The following SPTAN1 variants were observed in gnomAD, a reference collection of about 807,000 sequenced individuals.
The protein encoded by SPTAN1 is spectrin alpha, non-erythrocytic 1.
Under a neutral mutation model 331.3 loss-of-function variants are expected in SPTAN1, and 61 were observed. That is an observed-to-expected ratio of 0.18 (90% CI 0.15 to 0.23). The LOEUF (loss-of-function observed/expected upper bound fraction) is 0.23. SPTAN1 is among the 10% of genes least tolerant of loss of function. The pLI is 1.00. For missense variants in SPTAN1, 2,043 were observed against 3,147.9 expected, an observed-to-expected ratio of 0.65 and a Z score of 8.40; for synonymous variants, 1,153 against 1,173.9, an observed-to-expected ratio of 0.98 and a Z score of 0.36.
chr9:128,572,671 T>A (rs1850868953), intron 3 of SPTAN1, among the ~76,000 whole-genome samples: 1 of 152,198 alleles, frequency 6.6e-6, no homozygotes, highest in South Asian at 2.1e-4. Flanking sequence ...AGTACCTTAG[T>A]TTGGCAGAAA....
chr9:128,555,322 A>G (rs1242901039), intron 1 of SPTAN1: 15 of 1,284,212 alleles, frequency 1.2e-5, no homozygotes, highest in Admixed American at 4.6e-5. Context: ...GAAGCTTGTT[A>G]TCTTGCTCTT....
rs528275412 is a variant in SPTAN1, at chr9:128,603,543, T to C, written c.3580T>C (p.Ser1194Pro). ...GCCTTCTGCTTTCCTCCCTACCTAG[T>C]CTGCTCGTCTGATGGTTCACACCGT... ...TDSKTASPWK[S>P]ARLMVHTVAT... Residue 1194 changes from serine to proline, a missense_variant and splice_region_variant, in exon 28 of 57, where the codon TCT becomes CCT. Coordinates refer to ENST00000372739, the MANE Select transcript of SPTAN1 (RefSeq NM_001130438.3). 2 of 1,614,236 alleles carry C rather than the reference T, an allele frequency of 1.2e-6. No individual in the cohort carries two copies. The highest frequency in any genetic ancestry group is 4.5e-5 in the East Asian group (2 of 44,888).
chr9:128,611,066 T>G (rs1013709974), intron 37 of SPTAN1, among the ~76,000 whole-genome samples: 1 of 152,240 alleles, frequency 6.6e-6, no homozygotes, highest in African/African-American at 2.4e-5. Context: ...TGGAAATTGA[T>G]GTACAAGCAG....
chr9:128,618,492 G>A (rs1857454827), intron 43 of SPTAN1, among the ~76,000 whole-genome samples: 1 of 151,614 alleles, frequency 6.6e-6, no homozygotes. Context: ...GAATGTTTTT[G>A]TTTTTGTTTT....
intron 1 of SPTAN1, among the ~76,000 whole-genome samples, chr9:128,559,980 C>T (rs1292606267): frequency 6.6e-6 from 1 of 152,046 alleles, no homozygotes; most frequent in African/African-American, 2.4e-5. Flanking sequence ...GGTGATCCAC[C>T]CGCCTTGGCC....
chr9:128,593,998 G>T, intron 23 of SPTAN1, 177 bp from the exon 24 acceptor site: 1 of 682,472 alleles, frequency 1.5e-6, no homozygotes, highest in Non-Finnish European at 2.7e-6. Context: ...CTCAGGCTGT[G>T]GCGTGGGTAC....
Position 128,607,707 on chromosome 9 carries a change from G to C in SPTAN1, c.4146+4G>C, listed in dbSNP as rs1856067067. 1 of 1,613,988 alleles carries C rather than the reference G, an allele frequency of 6.2e-7. No individual in the cohort carries two copies. Among genetic ancestry groups the C allele is most frequent in the Middle Eastern group, 1.7e-4 (1 of 6,056 alleles). On this transcript the variant is annotated splice_donor_region_variant and intron_variant, in intron 32 of 56. Coordinates refer to ENST00000372739, the MANE Select transcript of SPTAN1 (RefSeq NM_001130438.3). The stretch of plus-strand genomic sequence containing the variant: ...GGCATTGCTGGAGCGACACCAGGTG[G>C]GTGGACCTGCCTGCTGAGTAGCAAA...
chr9:128,569,396 C>G (rs1850398945), intron 3 of SPTAN1, among the ~76,000 whole-genome samples: 1 of 151,938 alleles, frequency 6.6e-6, no homozygotes, highest in East Asian at 1.9e-4. Flanking sequence ...GGTCAATGAC[C>G]ATGGTGATGG....
rs949396670 is a variant in SPTAN1, at chr9:128,568,760, G to A, written c.238-12G>A. 1 of 1,613,810 alleles carries A rather than the reference G, an allele frequency of 6.2e-7. No individual in the cohort carries two copies. Among genetic ancestry groups the A allele is most frequent in the African/African-American group, 1.3e-5 (1 of 74,918 alleles). ...GGTTGCGTCTGAGGCTCACTTCAAG[G>A]TCCGCCAACAGGGAAAGCTTCAGAA... is the stretch of plus-strand genomic sequence containing the variant. On this transcript the variant is annotated splice_polypyrimidine_tract_variant and intron_variant, in intron 2 of 56. Transcript: ENST00000372739.
chr9:128,560,035 G>T (rs555061899), intron 1 of SPTAN1, among the ~76,000 whole-genome samples: 1 of 148,364 alleles, frequency 6.7e-6, no homozygotes, highest in Non-Finnish European at 1.5e-5. Flanking sequence ...CTGCCTGGCC[G>T]ATAATTTTGA....
At chr9:128,567,023 A>G (rs1850112811) in intron 2 of SPTAN1, 46 bp downstream of exon 2, 2 of 1,612,262 alleles carry the variant, frequency 1.2e-6, no homozygotes, top group South Asian at 1.1e-5. Context: ...AAGAGCCCAA[A>G]TGTTCTTACC....
intron 3 of SPTAN1, among the ~76,000 whole-genome samples, chr9:128,573,359 A>G (rs1362358660): frequency 6.6e-6 from 1 of 152,218 alleles, no homozygotes; most frequent in Admixed American, 6.5e-5. Flanking sequence ...ACCTCACTTG[A>G]GATGTACCAC....
chr9:128,600,009 C>T (rs535774917), intron 26 of SPTAN1, 71 bp from the exon 27 acceptor site: 10 of 1,517,432 alleles, frequency 6.6e-6, no homozygotes, highest in African/African-American at 1.4e-5. Flanking sequence ...TAGAGTCATT[C>T]GCTGGAAAGG....
chr9:128,613,032 G>A (rs1037901185), intron 39 of SPTAN1, among the ~76,000 whole-genome samples: 1 of 151,954 alleles, frequency 6.6e-6, no homozygotes, highest in Non-Finnish European at 1.5e-5. Context: ...CCAGCCTTTT[G>A]GTGTATATAT....
chr9:128,614,659 T>C (rs1338863479), intron 40 of SPTAN1, among the ~76,000 whole-genome samples: 1 of 147,942 alleles, frequency 6.8e-6, no homozygotes, highest in Non-Finnish European at 1.5e-5. Context: ...ATAGTCCCAG[T>C]TACTTGGAGG....
At chr9:128,569,926 T>C (rs768474578) in intron 3 of SPTAN1, among the ~76,000 whole-genome samples, 77 of 152,170 alleles carry the variant, frequency 5.1e-4, no homozygotes, top group Admixed American at 1.2e-3. Flanking sequence ...GAATAATTAT[T>C]AACTATTACT....
Position 128,612,348 on chromosome 9 carries a change from G to A in SPTAN1, c.5043+102G>A, listed in dbSNP as rs975518366. On this transcript the variant is annotated intron_variant, in intron 39 of 56. Coordinates refer to ENST00000372739, the MANE Select transcript of SPTAN1 (RefSeq NM_001130438.3). Reference sequence around the variant, plus strand: ...AACCACGAAAAGGCAGGGCTCACCAGACACCCCTTTTGACAGAAACCCTTA... The same window carrying A: ...AACCACGAAAAGGCAGGGCTCACCAAACACCCCTTTTGACAGAAACCCTTA... 2.1e-5 allele frequency: 31 copies of A among 1,465,690 alleles called. No individual in the cohort carries two copies. The Admixed American group carries it at 5.3e-4, about 25-fold the overall frequency. 90.8% of individuals were successfully genotyped at this position (1,465,690 alleles called of 1,614,324 possible).
At chr9:128,611,533 T>C (rs1315307320) in intron 37 of SPTAN1, 181 bp from the exon 38 acceptor site, 1 of 695,980 alleles carries the variant, frequency 1.4e-6, no homozygotes, top group Non-Finnish European at 2.5e-6. Flanking sequence ...CTTTGCTAAC[T>C]CCCCAAGAGA....
intron 22 of SPTAN1, 108 bp from the exon 23 acceptor site, chr9:128,592,875 C>A: frequency 9.6e-7 from 1 of 1,044,400 alleles, no homozygotes; most frequent in East Asian, 2.6e-5. Flanking sequence ...CATAGTTTCC[C>A]AACATTAAGC....
Sources: allele counts gnomAD v4.1 joint callset (sites outside exome capture counted in the v4.1 genomes callset), GRCh38; gene constraint gnomAD v4.1.1; transcripts MANE v1.5; gene names NCBI Gene and HGNC (gene_info 2026-07-23, HGNC 2026-07-21).